The following BTG4 variants were observed in gnomAD, a reference collection of about 807,000 sequenced individuals.
BTG4 encodes the protein BTG anti-proliferation factor 4, also known as protein BTG4.
A neutral mutation model predicts 19.3 loss-of-function variants in BTG4; 10 were observed. That is an observed-to-expected ratio of 0.52 (90% confidence interval 0.32 to 0.88). BTG4 has a LOEUF of 0.88. Ranked by LOEUF, BTG4 falls within the 40% of genes least tolerant of loss-of-function variation. BTG4 has a pLI of 0.04. For synonymous variants in BTG4, 91 were observed against 95.7 expected (o/e 0.95, Z 0.29); for missense variants, 238 against 281.9 (o/e 0.84, Z 1.11).
the BTG4 span, among the ~76,000 whole-genome samples, chr11:111,418,664 G>T: frequency 1.3e-5 from 2 of 152,230 alleles, no homozygotes; most frequent in East Asian, 3.9e-4. Flanking sequence ...AGCTACTTAG[G>T]CTAACCACCA....
At chr11:111,442,968 T>TG in the BTG4 span, among the ~76,000 whole-genome samples, 1 of 152,104 alleles carries the variant, frequency 6.6e-6, no homozygotes, top group Non-Finnish European at 1.5e-5. Context: ...ATGAGCATAG[T>TG]GTGGAAAGGG....
chr11:111,394,359 T>C, the BTG4 span, among the ~76,000 whole-genome samples: 2 of 152,322 alleles, frequency 1.3e-5, 1 homozygote, highest in South Asian at 4.1e-4. Context: ...GGGAGGTAAT[T>C]GAGTCATAGG....
intron 5 of BTG4, among the ~76,000 whole-genome samples, chr11:111,480,995 G>C (rs183341012): frequency 3.2e-4 from 48 of 151,642 alleles, no homozygotes; most frequent in African/African-American, 1.1e-3. Flanking sequence ...GTAAAGCAAA[G>C]AGCTATTTCT....
At chr11:111,430,476 A>T in the BTG4 span, among the ~76,000 whole-genome samples, 3 of 152,232 alleles carry the variant, frequency 2.0e-5, no homozygotes, top group South Asian at 2.1e-4. Flanking sequence ...CCTCAGAGGG[A>T]TGACTGAATT....
At chr11:111,478,140 T>C (rs1215686128) in intron 5 of BTG4, among the ~76,000 whole-genome samples, 5 of 152,026 alleles carry the variant, frequency 3.3e-5, no homozygotes, top group Admixed American at 3.3e-4. Context: ...CCTGCTGTAG[T>C]GGAATCAGAG....
At position 111,495,047 on chromosome 11, in the gene BTG4, G is replaced by T; in HGVS notation, c.*88C>A. ...CTAATATGGTCATTTTTTGTTTCATGGGCCTCTCAACCTTAAATTCATTTT... is the reference window on the plus strand; with the variant it reads ...CTAATATGGTCATTTTTTGTTTCATTGGCCTCTCAACCTTAAATTCATTTT... On this transcript the variant is annotated 3_prime_UTR_variant, in exon 5 of 5. Transcript: ENST00000692032. 1 of 1,377,212 alleles carries T rather than the reference G, an allele frequency of 7.3e-7. No individual in the cohort carries two copies. The highest frequency in any genetic ancestry group is 9.4e-7 in the Non-Finnish European group (1 of 1,067,292). The allele number at this position is 1,377,212 out of a possible 1,614,324, so 85.3% of individuals were successfully genotyped here.
chr11:111,473,276 A>C (rs1393265957), intron 5 of BTG4: 1 of 152,578 alleles, frequency 6.6e-6, no homozygotes, highest in African/African-American at 2.4e-5. Flanking sequence ...AAGAGTATTA[A>C]CTCTGTCTTC....
chr11:111,460,156 G>T, the BTG4 span: 44,814 of 152,402 alleles, frequency 0.29, 7,249 homozygotes, highest in African/African-American at 0.44. Context: ...AAAAGGACCT[G>T]CCTTCCTTCC....
At chr11:111,439,258 CAAAT>C in the BTG4 span, among the ~76,000 whole-genome samples, 1 of 152,246 alleles carries the variant, frequency 6.6e-6, no homozygotes, top group Non-Finnish European at 1.5e-5. Context: ...TGATGCTAAA[CAAAT>C]AGTCACCCTT....
chr11:111,407,209 A>G, the BTG4 span, among the ~76,000 whole-genome samples: 1 of 148,544 alleles, frequency 6.7e-6, no homozygotes, highest in Non-Finnish European at 1.5e-5. Flanking sequence ...ATATAAGTAT[A>G]TAGTATATAT....
At chr11:111,454,204 A>T in the BTG4 span, 1 of 436,132 alleles carries the variant, frequency 2.3e-6, no homozygotes, top group South Asian at 1.7e-5. Context: ...GCATTTCAGG[A>T]GGATAATCCT....
chr11:111,473,027 G>T (rs918470470), intron 5 of BTG4, among the ~76,000 whole-genome samples: 1 of 151,780 alleles, frequency 6.6e-6, no homozygotes, highest in East Asian at 1.9e-4. Flanking sequence ...CTCTTATAAG[G>T]TGGAAGCCAC....
At chr11:111,452,642 G>C in the BTG4 span, 1 of 152,222 alleles carries the variant, frequency 6.6e-6, no homozygotes, top group Non-Finnish European at 1.5e-5. Context: ...CTATAAGTGG[G>C]TCTTCCATTC....
chr11:111,507,022 T>A (rs1591535597), intron 1 of BTG4, among the ~76,000 whole-genome samples: 1 of 151,538 alleles, frequency 6.6e-6, no homozygotes, highest in Non-Finnish European at 1.5e-5. Flanking sequence ...GAAATAAAGA[T>A]AACAAATGAG....
chr11:111,478,882 C>CAA (rs1234067937), intron 5 of BTG4, among the ~76,000 whole-genome samples: 2 of 151,114 alleles, frequency 1.3e-5, no homozygotes, highest in Non-Finnish European at 3.0e-5. Flanking sequence ...GGTACTATAG[C>CAA]AAAAGATGGA....
chr11:111,400,191 C>T, the BTG4 span, among the ~76,000 whole-genome samples: 1 of 152,176 alleles, frequency 6.6e-6, no homozygotes. Context: ...GTTTCCTCAT[C>T]TGTAAAGGGA....
In BTG4 at chr11:111,498,809, CA is replaced by C; in HGVS notation, c.-26-8del. ...GAAAAATAGATAAGGAGGTCTGAAT[CA>C]TTAAAAGGAAGCAAGAAGAAATAGA... On this transcript the variant is annotated splice_polypyrimidine_tract_variant and splice_region_variant and intron_variant, in intron 1 of 4. Transcript: ENST00000692032. 9 of 1,537,234 alleles carry C rather than the reference CA, an allele frequency of 5.9e-6. No individual in the cohort carries two copies. The highest frequency in any genetic ancestry group is 7.9e-6 in the Non-Finnish European group (9 of 1,135,392).
intron 5 of BTG4, among the ~76,000 whole-genome samples, chr11:111,487,181 A>G (rs1039610478): frequency 2.6e-5 from 4 of 152,296 alleles, no homozygotes; most frequent in South Asian, 2.1e-4. Flanking sequence ...GTAGTATTCC[A>G]TGGTGCATAT....
chr11:111,513,506 TAAAAA>T, upstream of BTG4: 1 of 529,586 alleles, frequency 1.9e-6, no homozygotes, highest in Non-Finnish European at 3.9e-6. Context: ...CACGGCCAGG[TAAAAA>T]GATTTGGGAA....
Sources: allele counts gnomAD v4.1 joint callset (sites outside exome capture counted in the v4.1 genomes callset), GRCh38; gene constraint gnomAD v4.1.1; transcripts MANE v1.5; gene names NCBI Gene and HGNC (gene_info 2026-07-23, HGNC 2026-07-21).